The following GSG1L variants were observed in gnomAD, a reference collection of about 807,000 sequenced individuals.
GSG1L encodes the protein GSG1 like, also known as germ cell-specific gene 1-like protein.
A neutral mutation model predicts 42.1 loss-of-function variants in GSG1L; 24 were observed. That is an observed-to-expected ratio of 0.57 (90% CI 0.41 to 0.80). The LOEUF (loss-of-function observed/expected upper bound fraction) is 0.80. Among genes scored for constraint, GSG1L ranks in the 30% least tolerant of loss-of-function variants. GSG1L has a pLI of 0.00. For synonymous variants in GSG1L, 215 were observed against 203.5 expected (o/e 1.06, Z -0.48); for missense variants, 445 against 472.2 (o/e 0.94, Z 0.53).
intron 2 of GSG1L, among the ~76,000 whole-genome samples, chr16:27,888,486 T>C (rs1338604394): frequency 0.033 from 153 of 4,634 alleles, 12 homozygotes; most frequent in South Asian, 0.1. Flanking sequence ...CTCTTTCCTT[T>C]CTTTCTTTCT....
intron 2 of GSG1L, among the ~76,000 whole-genome samples, chr16:27,959,675 C>T (rs374142452): frequency 1.3e-5 from 2 of 151,940 alleles, no homozygotes; most frequent in African/African-American, 4.8e-5. Context: ...CCCAGCTACT[C>T]GGAGCCTAAG....
At chr16:27,865,951 T>C (rs1293145185) in intron 3 of GSG1L, among the ~76,000 whole-genome samples, 1 of 152,112 alleles carries the variant, frequency 6.6e-6, no homozygotes, top group Non-Finnish European at 1.5e-5. Flanking sequence ...TCCTCCCACC[T>C]TGGCCTCCCA....
At chr16:27,911,844 T>C (rs2084394859) in intron 2 of GSG1L, among the ~76,000 whole-genome samples, 1 of 152,158 alleles carries the variant, frequency 6.6e-6, no homozygotes, top group African/African-American at 2.4e-5. Context: ...TTCTCCACAC[T>C]TATTGCCATC....
intron 3 of GSG1L, among the ~76,000 whole-genome samples, chr16:27,879,281 G>C (rs1179552251): frequency 6.6e-6 from 1 of 152,142 alleles, no homozygotes; most frequent in Non-Finnish European, 1.5e-5. Context: ...ATTGGTTCTA[G>C]AACTCCTCAC....
intron 2 of GSG1L, among the ~76,000 whole-genome samples, chr16:27,952,314 TCAC>T (rs2084959083): frequency 6.6e-6 from 1 of 152,022 alleles, no homozygotes; most frequent in Admixed American, 6.5e-5. Context: ...CTGGAGGAGG[TCAC>T]CACAACACAG....
At chr16:27,842,656 T>C (rs141547135) in intron 4 of GSG1L, among the ~76,000 whole-genome samples, 2 of 152,236 alleles carry the variant, frequency 1.3e-5, no homozygotes, top group East Asian at 3.9e-4. Context: ...CCTGGGATTG[T>C]TCTACTTAAA....
chr16:27,817,947 A>G (rs1182050735), intron 5 of GSG1L, among the ~76,000 whole-genome samples: 2 of 152,140 alleles, frequency 1.3e-5, no homozygotes, highest in African/African-American at 4.8e-5. Context: ...CACCTGCTCT[A>G]TCCTCCAGCC....
At chr16:28,009,143 G>A (rs754263107) in intron 1 of GSG1L, among the ~76,000 whole-genome samples, 11 of 152,072 alleles carry the variant, frequency 7.2e-5, no homozygotes, top group Admixed American at 1.3e-4. Context: ...AGTTCTGAGC[G>A]CAGGTGCCCC....
intron 2 of GSG1L, among the ~76,000 whole-genome samples, chr16:27,946,447 A>C (rs1253922497): frequency 6.6e-6 from 1 of 151,620 alleles, no homozygotes; most frequent in Non-Finnish European, 1.5e-5. Flanking sequence ...CAGGAGGCTG[A>C]GGCAAAAGAA....
rs1323954324 is a variant in GSG1L, at chr16:27,888,522, T to C, written c.398-3884A>G. Reference sequence around the variant, plus strand: ...TTCTTTCTTTCTTTCTTTCTTTCTTTCTTTCTTTCTTTCTTTCTTTCTTTC... The same window carrying C: ...TTCTTTCTTTCTTTCTTTCTTTCTTCCTTTCTTTCTTTCTTTCTTTCTTTC... On this transcript the variant is annotated intron_variant, in intron 2 of 6. Coordinates refer to ENST00000447459, the MANE Select transcript of GSG1L (RefSeq NM_001109763.2). Among the ~76,000 whole-genome samples, 3 of 21,944 alleles carry C rather than the reference T, an allele frequency of 1.4e-4. 1 individual carries two copies. Among genetic ancestry groups the C allele is most frequent in the Non-Finnish European group, 3.2e-4 (3 of 9,490 alleles). 14.4% of individuals were successfully genotyped at this position (21,944 alleles called of 152,430 possible).
chr16:27,947,081 T>C (rs1056292936), intron 2 of GSG1L, among the ~76,000 whole-genome samples: 6 of 152,190 alleles, frequency 3.9e-5, no homozygotes, highest in Non-Finnish European at 7.3e-5. Context: ...CTCAAAGCCC[T>C]GCATCTAAAT....
At chr16:28,017,232 A>G (rs1454891423) in intron 1 of GSG1L, among the ~76,000 whole-genome samples, 1 of 152,210 alleles carries the variant, frequency 6.6e-6, no homozygotes, top group Non-Finnish European at 1.5e-5. Context: ...GGATGCTGAT[A>G]TGTAATGACA....
rs368394279 is a variant in GSG1L at position 27,979,661 on chromosome 16, A to AAGAAAGAAAGAG, written c.350-16459_350-16458insCTCTTTCTTTCT. ...GGGAGGGGAAAGAAAGAAAGAAAGA[A>AAGAAAGAAAGAG]AGAGAGAGAGAGAGAGAGAAAGAAA... On this transcript the variant is annotated intron_variant, in intron 1 of 6. Transcript: ENST00000447459. Among the ~76,000 whole-genome samples, 111 of 67,712 alleles carry AAGAAAGAAAGAG rather than the reference A, an allele frequency of 1.6e-3. 5 individuals carry two copies. The highest frequency in any genetic ancestry group is 6.7e-3 in the African/African-American group (104 of 15,514). 44.4% of individuals were successfully genotyped at this position (67,712 alleles called of 152,430 possible). A position where few individuals can be genotyped will look rare whatever the true frequency, so the allele number is the denominator to read the frequency against.
chr16:27,833,952 C>T (rs2083297376), intron 4 of GSG1L, among the ~76,000 whole-genome samples: 1 of 151,962 alleles, frequency 6.6e-6, no homozygotes, highest in South Asian at 2.1e-4. Context: ...TTATGTATTG[C>T]ATGTCTTTTA....
chr16:27,902,409 G>C (rs188391760), intron 2 of GSG1L, among the ~76,000 whole-genome samples: 4 of 152,150 alleles, frequency 2.6e-5, no homozygotes, highest in Admixed American at 6.5e-5. Flanking sequence ...TGACATTTGT[G>C]GGGAGGGAAG....
At chr16:27,982,426 ATGTG>A (rs1473715948) in intron 1 of GSG1L, among the ~76,000 whole-genome samples, 4 of 152,110 alleles carry the variant, frequency 2.6e-5, no homozygotes, top group African/African-American at 9.6e-5. Flanking sequence ...TGCCAATATG[ATGTG>A]TGTGTGCGTG....
At chr16:27,861,863 G>A (rs758839393) in intron 3 of GSG1L, among the ~76,000 whole-genome samples, 3 of 152,134 alleles carry the variant, frequency 2.0e-5, no homozygotes, top group Non-Finnish European at 4.4e-5. Context: ...TGGCAATTTG[G>A]AGGCCATATT....
intron 1 of GSG1L, among the ~76,000 whole-genome samples, chr16:27,980,293 C>T (rs2085311411): frequency 6.6e-6 from 1 of 152,170 alleles, no homozygotes; most frequent in Admixed American, 6.5e-5. Context: ...AGGAGCCCAG[C>T]ATCCTTGGCT....
intron 1 of GSG1L, among the ~76,000 whole-genome samples, chr16:28,042,119 G>C (rs886688844): frequency 6.6e-6 from 1 of 152,252 alleles, no homozygotes; most frequent in South Asian, 2.1e-4. Flanking sequence ...AGGTGAGAGG[G>C]AGATCCTATC....
Sources: allele counts gnomAD v4.1 joint callset (sites outside exome capture counted in the v4.1 genomes callset), GRCh38; gene constraint gnomAD v4.1.1; transcripts MANE v1.5; gene names NCBI Gene and HGNC (gene_info 2026-07-23, HGNC 2026-07-21).